NFATC2: variants seen among roughly 807,000 people sequenced by gnomAD.
NFATC2 encodes the protein nuclear factor of activated T cells 2.
A neutral mutation model predicts 87.3 loss-of-function variants in NFATC2; 22 were observed. That is an observed-to-expected ratio of 0.25 (90% confidence interval 0.18 to 0.36). The LOEUF (loss-of-function observed/expected upper bound fraction) is 0.36. Among genes scored for constraint, NFATC2 ranks in the 10% least tolerant of loss-of-function variants. The pLI is 1.00. For synonymous variants in NFATC2, 565 were observed against 542.2 expected, an observed-to-expected ratio of 1.04 and a Z score of -0.58; for missense variants, 1,149 against 1,259.1, an observed-to-expected ratio of 0.91 and a Z score of 1.32.
chr20:51,422,974 G>C (rs1436799170), intron 9 of NFATC2, among the ~76,000 whole-genome samples: 1 of 151,448 alleles, frequency 6.6e-6, no homozygotes, highest in Non-Finnish European at 1.5e-5. Context: ...ATATTAGAAA[G>C]TTATGTAGAT....
At chr20:51,420,922 A>G (rs191922082) in intron 9 of NFATC2, among the ~76,000 whole-genome samples, 93 of 152,148 alleles carry the variant, frequency 6.1e-4, no homozygotes, top group Non-Finnish European at 1.1e-3. Context: ...GTAGCTAGGC[A>G]CCATAGCAGG....
intron 5 of NFATC2, among the ~76,000 whole-genome samples, chr20:51,467,355 G>A (rs1289797203): frequency 7.9e-5 from 12 of 151,102 alleles, no homozygotes; most frequent in African/African-American, 1.9e-4. Context: ...TCAGGAGTTC[G>A]AGACCAGCCT....
rs1392485484 is a variant in NFATC2 at position 51,524,165 on chromosome 20, GGT to G, written c.131-57_131-56del. 8.7e-6 allele frequency: 12 copies of G among 1,371,608 alleles called. No individual in the cohort carries two copies. The highest frequency in any genetic ancestry group is 1.1e-5 in the Non-Finnish European group (12 of 1,049,686). The allele number at this position is 1,371,608 out of a possible 1,614,324, so 85.0% of individuals were successfully genotyped here. The stretch of plus-strand genomic sequence containing the variant: ...TTTAAGCCTCAAAAACAGAACTCCC[GGT>G]GCAGAGCAATCACAGGCTGGATTTC... On this transcript the variant is annotated intron_variant, in intron 1 of 10. Coordinates refer to ENST00000371564, the MANE Select transcript of NFATC2 (RefSeq NM_012340.5). The surrounding 1 kb of genome is among the most constrained non-coding windows in gnomAD (Gnocchi z 4.0).
chr20:51,488,964 G>A (rs905221809), intron 3 of NFATC2, among the ~76,000 whole-genome samples: 7 of 152,216 alleles, frequency 4.6e-5, no homozygotes, highest in Non-Finnish European at 8.8e-5. Context: ...CAAGGCAGGC[G>A]GATCACTTGA....
chr20:51,514,141 A>G (rs2076314789), intron 3 of NFATC2, among the ~76,000 whole-genome samples: 1 of 152,238 alleles, frequency 6.6e-6, no homozygotes, highest in East Asian at 1.9e-4. Context: ...TATTATTACT[A>G]TCATCTTGCC....
At chr20:51,476,072 CTTCT>C (rs1479252242) in intron 3 of NFATC2, among the ~76,000 whole-genome samples, 1 of 114,640 alleles carries the variant, frequency 8.7e-6, no homozygotes, top group African/African-American at 4.4e-5. Context: ...AGAACTGTCA[CTTCT>C]TTTTTTTTTT....
chr20:51,435,116 A>C (rs1191899378), intron 8 of NFATC2, 72 bp downstream of exon 8: 4 of 1,572,336 alleles, frequency 2.5e-6, no homozygotes, highest in Admixed American at 3.7e-5. Flanking sequence ...CTAGGAGCAG[A>C]CTTCAGGAGT....
intron 3 of NFATC2, among the ~76,000 whole-genome samples, chr20:51,495,363 T>C (rs1027176837): frequency 6.6e-6 from 1 of 152,206 alleles, no homozygotes; most frequent in African/African-American, 2.4e-5. Flanking sequence ...GCTGGGATTA[T>C]AGACATGAGC....
intron 3 of NFATC2, among the ~76,000 whole-genome samples, chr20:51,512,749 C>T (rs959083736): frequency 6.6e-6 from 1 of 151,952 alleles, no homozygotes; most frequent in Non-Finnish European, 1.5e-5. Context: ...TATAGTGAGG[C>T]AAATAAAAGA....
chr20:51,522,635 CT>C (rs1396630641), intron 2 of NFATC2, among the ~76,000 whole-genome samples: 1 of 150,986 alleles, frequency 6.6e-6, no homozygotes, highest in Non-Finnish European at 1.5e-5. Context: ...ACAAACATCA[CT>C]TCCTCTTATA....
intron 5 of NFATC2, among the ~76,000 whole-genome samples, chr20:51,471,250 C>T (rs759159722): frequency 2.6e-5 from 4 of 152,158 alleles, no homozygotes; most frequent in Admixed American, 6.5e-5. Context: ...CCCCACCTTG[C>T]TACAAACCCC....
chr20:51,492,659 CTGGCTAA>C (rs1305584791), intron 3 of NFATC2, among the ~76,000 whole-genome samples: 1 of 152,258 alleles, frequency 6.6e-6, no homozygotes, highest in African/African-American at 2.4e-5. Flanking sequence ...CCCACTCCCA[CTGGCTAA>C]TGGGCTCCCC....
chr20:51,477,563 ATATATATATAT>A (rs1988843714), intron 3 of NFATC2, among the ~76,000 whole-genome samples: 2 of 124,940 alleles, frequency 1.6e-5, no homozygotes, highest in African/African-American at 5.8e-5. Flanking sequence ...ATATATATAT[ATATATATATAT>A]ATATATAAAA....
intron 5 of NFATC2, among the ~76,000 whole-genome samples, chr20:51,469,873 C>G (rs1050981772): frequency 1.3e-5 from 2 of 152,158 alleles, no homozygotes; most frequent in Non-Finnish European, 2.9e-5. Context: ...CTTCTGGCCT[C>G]CAGAACAGTG....
chr20:51,448,271 G>A (rs998520349), intron 6 of NFATC2, among the ~76,000 whole-genome samples: 4 of 152,194 alleles, frequency 2.6e-5, no homozygotes, highest in African/African-American at 9.7e-5. Flanking sequence ...TCAGAATGAC[G>A]GTCAAGGAGG....
At chr20:51,552,449 C>A (rs1375909545) in intron 1 of NFATC2, among the ~76,000 whole-genome samples, 1 of 152,146 alleles carries the variant, frequency 6.6e-6, no homozygotes, top group Non-Finnish European at 1.5e-5. Context: ...ATTGAGAAAA[C>A]AAGACAGTTT....
chr20:51,445,381 G>A (rs1292690537), intron 6 of NFATC2, among the ~76,000 whole-genome samples: 1 of 152,124 alleles, frequency 6.6e-6, no homozygotes, highest in Non-Finnish European at 1.5e-5. Flanking sequence ...ACCTTCAGGG[G>A]TCTGCTGAAA....
chr20:51,522,408 C>G (rs2076461329), intron 2 of NFATC2, among the ~76,000 whole-genome samples: 1 of 152,070 alleles, frequency 6.6e-6, no homozygotes, highest in Non-Finnish European at 1.5e-5. Context: ...ACAAGCACAG[C>G]AGCAGAAAGG....
chr20:51,527,079 TTAGTAGACAGGAGGTCTCAC>T (rs2076556944), intron 1 of NFATC2, among the ~76,000 whole-genome samples: 1 of 151,734 alleles, frequency 6.6e-6, no homozygotes. Context: ...TTTTTTATTT[TTAGTAGACAGGAGGTCTCAC>T]TATGTTGCCC....
Sources: allele counts gnomAD v4.1 joint callset (sites outside exome capture counted in the v4.1 genomes callset), GRCh38; gene constraint gnomAD v4.1.1; non-coding constraint Gnocchi (gnomAD v3.1); transcripts MANE v1.5; gene names NCBI Gene and HGNC (gene_info 2026-07-23, HGNC 2026-07-21).